Variants in ZNF469 observed in about 807,000 individuals in gnomAD.
The protein encoded by ZNF469 is zinc finger protein 469.
Under a neutral mutation model 1.0 loss-of-function variants are expected in ZNF469, and 1 was observed. The observed-to-expected ratio is 1.00, with a 90% CI of 0.35 to 4.73. The LOEUF (loss-of-function observed/expected upper bound fraction) is 4.73, where lower values mean the gene tolerates loss of function less well. Ranked by LOEUF, ZNF469 falls within the 30% of genes most tolerant of loss-of-function variation. The probability of loss-of-function intolerance (pLI) is 0.16; values close to 1 mark genes in which losing one functional copy is unlikely to be tolerated. For missense variants in ZNF469, 6,100 were observed against 5,356.3 expected (o/e 1.14, Z -4.33); for synonymous variants, 2,703 against 2,363.4 (o/e 1.14, Z -4.17).
chr16:88,398,755 C>T (rs1239272559), intron 1 of ZNF469, among the ~76,000 whole-genome samples: 1 of 152,100 alleles, frequency 6.6e-6, no homozygotes, highest in African/African-American at 2.4e-5. Context: ...ACACATGGGC[C>T]AGCAGGATGG....
At chr16:88,311,127 T>A in the ZNF469 span, among the ~76,000 whole-genome samples, 1 of 152,200 alleles carries the variant, frequency 6.6e-6, no homozygotes, top group Non-Finnish European at 1.5e-5. Flanking sequence ...TCAATTGGGA[T>A]TGTCTAGTGT....
the ZNF469 span, among the ~76,000 whole-genome samples, chr16:88,118,248 C>A: frequency 1.3e-5 from 2 of 152,218 alleles, no homozygotes; most frequent in Admixed American, 1.3e-4. Context: ...CGGCTCCTAT[C>A]TTTTCATTGA....
upstream of ZNF469, among the ~76,000 whole-genome samples, chr16:88,380,388 C>CAG (rs1195679647): frequency 8.7e-6 from 1 of 115,434 alleles, no homozygotes; most frequent in African/African-American, 5.4e-5. Flanking sequence ...CACGCACTCA[C>CAG]AGACACGCCC....
chr16:88,358,158 G>T, the ZNF469 span, among the ~76,000 whole-genome samples: 1 of 152,208 alleles, frequency 6.6e-6, no homozygotes, highest in African/African-American at 2.4e-5. Flanking sequence ...GCACTGCAGC[G>T]TGGGCGTCAG....
At chr16:88,345,333 G>A in the ZNF469 span, among the ~76,000 whole-genome samples, 1 of 152,220 alleles carries the variant, frequency 6.6e-6, no homozygotes, top group Non-Finnish European at 1.5e-5. Context: ...AGCACCTGAG[G>A]CCTGGGTAGT....
the ZNF469 span, among the ~76,000 whole-genome samples, chr16:88,372,751 CACCATCTTT>C: frequency 6.6e-6 from 1 of 150,668 alleles, no homozygotes; most frequent in African/African-American, 2.4e-5. Flanking sequence ...CCACCATCAT[CACCATCTTT>C]ACCATCTTCA....
chr16:88,431,845 C>T lies in ZNF469; in HGVS notation c.4375C>T (p.Leu1459=), dbSNP rs1409596137. The change falls in exon 3 of 3, where the codon CTG becomes TTG. Residue 1459 remains leucine, a synonymous_variant. Coordinates refer to ENST00000565624, the MANE Select transcript of ZNF469 (RefSeq NM_001367624.2). ...GGAGTCCTCATCCCTCTTCCCAGAC[C>T]TGCCGGTGGACAGATTCGACCCACC... The part of the protein sequence containing the change: ...TLESSSLFPD[L]PVDRFDPPLY... The T allele has an allele frequency of 6.5e-7, 1 of 1,550,046 alleles. No homozygotes were observed. Among genetic ancestry groups the T allele is most frequent in the Non-Finnish European group, 8.7e-7 (1 of 1,146,920 alleles).
the ZNF469 span, among the ~76,000 whole-genome samples, chr16:88,310,563 A>G: frequency 7.0e-6 from 1 of 143,526 alleles, no homozygotes; most frequent in Non-Finnish European, 1.5e-5. Flanking sequence ...CCTTCATTTT[A>G]TTTTTTTTTT....
chr16:88,182,230 C>G, the ZNF469 span, among the ~76,000 whole-genome samples: 5 of 152,000 alleles, frequency 3.3e-5, no homozygotes, highest in South Asian at 1.0e-3. Context: ...TACAAGAAGA[C>G]CTAAATAAAT....
chr16:88,389,340 C>G (rs370540128), intron 1 of ZNF469, among the ~76,000 whole-genome samples: 2 of 152,266 alleles, frequency 1.3e-5, no homozygotes, highest in Non-Finnish European at 2.9e-5. Flanking sequence ...TCGGCGCTTC[C>G]TTCGTCTTTG....
In ZNF469 at chr16:88,439,069, C is replaced by T. The variant is rs948572340; in HGVS notation, c.11599C>T (p.Gln3867Ter). ...CCCGACCAAGCCCAAGCCCAACAGC[C>T]AGAACAAACCCAGGCCGCCACCATC... Reference protein sequence around the residue: ...VLPTKPKPNSQNKPRPPPSEQ... With the variant: ...VLPTKPKPNS The change falls in exon 3 of 3, where the codon CAG becomes TAG. Residue 3867 changes from glutamine to a stop codon, truncating the protein, a stop_gained. Coordinates refer to ENST00000565624, the MANE Select transcript of ZNF469 (RefSeq NM_001367624.2). LOFTEE classifies it low-confidence loss of function (END_TRUNC). The T allele has an allele frequency of 6.4e-7, 1 of 1,550,740 alleles. No homozygotes were observed. Among genetic ancestry groups the T allele is most frequent in the Admixed American group, 2.0e-5 (1 of 51,008 alleles).
At chr16:88,147,858 A>C in the ZNF469 span, among the ~76,000 whole-genome samples, 1 of 152,154 alleles carries the variant, frequency 6.6e-6, no homozygotes, top group Admixed American at 6.5e-5. Flanking sequence ...TGAGTGTTGA[A>C]GAGAAACCAC....
the ZNF469 span, among the ~76,000 whole-genome samples, chr16:88,190,669 G>A: frequency 1.3e-5 from 2 of 152,212 alleles, no homozygotes; most frequent in Non-Finnish European, 2.9e-5. Context: ...TGTTGCATTT[G>A]GTAGGCTGAG....
the ZNF469 span, among the ~76,000 whole-genome samples, chr16:88,188,804 G>T: frequency 6.6e-6 from 1 of 151,918 alleles, no homozygotes; most frequent in African/African-American, 2.4e-5. Context: ...CTACATGTCT[G>T]TGAGATTCCG....
chr16:88,228,588 C>G, the ZNF469 span, among the ~76,000 whole-genome samples: 1 of 152,208 alleles, frequency 6.6e-6, no homozygotes, highest in African/African-American at 2.4e-5. Flanking sequence ...TCCTGAGTGT[C>G]CAAACCTGGC....
At chr16:88,110,399 G>A in the ZNF469 span, among the ~76,000 whole-genome samples, 6 of 152,396 alleles carry the variant, frequency 3.9e-5, no homozygotes, top group Admixed American at 2.6e-4. Context: ...AGCCTACCAC[G>A]GTCTCCGTCC....
At chr16:88,186,855 G>T in the ZNF469 span, among the ~76,000 whole-genome samples, 13 of 152,148 alleles carry the variant, frequency 8.5e-5, no homozygotes, top group African/African-American at 2.9e-4. Context: ...TTGAGGAAGC[G>T]GCTGTGACTC....
Position 88,429,574 on chromosome 16 carries a change from C to G in ZNF469, c.2104C>G (p.Leu702Val), listed in dbSNP as rs1378514071. The G allele has an allele frequency of 7.1e-6, 11 of 1,549,896 alleles. 1 individual carries two copies. The highest frequency in any genetic ancestry group is 9.6e-6 in the Non-Finnish European group (11 of 1,146,826). The change falls in exon 3 of 3, where the codon CTG (leucine) becomes GTG (valine). Residue 702 changes from leucine to valine, a missense_variant. By Grantham distance (32) the Leu-to-Val change is conservative (BLOSUM62 1). Transcript: ENST00000565624. ...GGGCCCCGAGGTGGGTCGGGGAGGG[C>G]TGCAGGGCTTCCCCCGTGCGCCGCC... Reference protein sequence around the residue: ...HEGPEVGRGGLQGFPRAPPPY... With the variant: ...HEGPEVGRGGVQGFPRAPPPY...
At chr16:88,209,439 C>T in the ZNF469 span, among the ~76,000 whole-genome samples, 23 of 152,034 alleles carry the variant, frequency 1.5e-4, no homozygotes, top group South Asian at 2.1e-3. Context: ...TACAGGTACC[C>T]GCCACCGCAC....
Sources: gnomAD v4.1 joint callset for allele counts (sites outside exome capture counted in the v4.1 genomes callset) on GRCh38, gnomAD v4.1.1 for gene constraint, MANE v1.5 for transcripts, NCBI Gene and HGNC (gene_info 2026-07-23, HGNC 2026-07-21) for gene names.